The following RPTOR variants were observed in gnomAD, a reference collection of about 807,000 sequenced individuals.
RPTOR encodes the protein regulatory associated protein of MTOR complex 1.
In RPTOR, 21 loss-of-function variants were observed where a neutral mutation model predicts 169.9. The observed-to-expected ratio is 0.12, with a 90% CI of 0.09 to 0.18. The LOEUF is 0.18. Among genes scored for constraint, RPTOR ranks in the 10% least tolerant of loss-of-function variants. The pLI is 1.00. For synonymous variants in RPTOR, 732 were observed against 753.2 expected (o/e 0.97, Z 0.46); for missense variants, 1,133 against 1,855.9 (o/e 0.61, Z 7.16).
intron 9 of RPTOR, among the ~76,000 whole-genome samples, chr17:80,824,439 A>C (rs969478889): frequency 1.3e-5 from 2 of 152,386 alleles, no homozygotes; most frequent in Admixed American, 6.5e-5. Context: ...CTTAGAATAA[A>C]TATTTAAAAT....
At chr17:80,930,412 G>C (rs1598408066) in intron 24 of RPTOR, among the ~76,000 whole-genome samples, 5 of 9,214 alleles carry the variant, frequency 5.4e-4, no homozygotes, top group Admixed American at 1.3e-3. Context: ...CTCATCCCCA[G>C]CTCATCCTCA....
intron 25 of RPTOR, among the ~76,000 whole-genome samples, chr17:80,942,314 A>G (rs1010809036): frequency 2.0e-5 from 3 of 151,210 alleles, no homozygotes; most frequent in Non-Finnish European, 4.4e-5. Context: ...CTGGCCCCTG[A>G]TGGCCAAGGT....
intron 17 of RPTOR, among the ~76,000 whole-genome samples, 199 bp from the exon 18 acceptor site, chr17:80,891,521 G>A (rs1013927225): frequency 1.3e-5 from 2 of 152,250 alleles, no homozygotes; most frequent in African/African-American, 2.4e-5. Context: ...GTGAGCCAGT[G>A]GCCTGCCGTC....
Position 80,957,590 on chromosome 17 carries a change from T to G in RPTOR, c.3371-34T>G. 6.3e-7 allele frequency: 1 copy of G among 1,597,268 alleles called. No individual in the cohort carries two copies. Among genetic ancestry groups the G allele is most frequent in the South Asian group, 1.1e-5 (1 of 90,744 alleles). On this transcript the variant is annotated intron_variant, in intron 28 of 33. Transcript: ENST00000306801. This position sits in a 1 kb window ranked among gnomAD's most constrained non-coding sequence, Gnocchi z 4.6. ...AAAGCCTGCCCAAGGCAAGGGCCCA[T>G]GGGGTGATGCCATGTCCCACTGTAT...
chr17:80,889,554 G>T (rs1347655894), intron 17 of RPTOR, among the ~76,000 whole-genome samples: 2 of 152,186 alleles, frequency 1.3e-5, no homozygotes, highest in Non-Finnish European at 2.9e-5. Flanking sequence ...GACAACACCA[G>T]CCAAGCTCAT....
chr17:80,898,898 C>A (rs899239141), intron 20 of RPTOR, among the ~76,000 whole-genome samples: 1 of 151,954 alleles, frequency 6.6e-6, no homozygotes, highest in African/African-American at 2.4e-5. Context: ...AGCCCAAAGA[C>A]CCGAAACAGA....
chr17:80,834,308 C>T (rs2067539458), intron 9 of RPTOR, among the ~76,000 whole-genome samples: 1 of 152,208 alleles, frequency 6.6e-6, no homozygotes, highest in Admixed American at 6.5e-5. Context: ...CCTTTCTTCT[C>T]ATTAGTACTT....
intron 4 of RPTOR, among the ~76,000 whole-genome samples, chr17:80,722,335 T>A (rs1175074949): frequency 6.6e-6 from 1 of 151,166 alleles, no homozygotes; most frequent in Non-Finnish European, 1.5e-5. Context: ...TTTTGGGACT[T>A]CAATGTTTAG....
At chr17:80,797,806 T>A (rs564533337) in intron 7 of RPTOR, among the ~76,000 whole-genome samples, 5 of 152,354 alleles carry the variant, frequency 3.3e-5, no homozygotes, top group Admixed American at 3.3e-4. Flanking sequence ...GCTCAGACCC[T>A]CTTGGCCAGC....
intron 1 of RPTOR, among the ~76,000 whole-genome samples, chr17:80,577,479 A>C (rs958376851): frequency 6.6e-6 from 1 of 151,158 alleles, no homozygotes; most frequent in African/African-American, 2.4e-5. Context: ...GGGTCTTCCT[A>C]TGTGGCCCAG....
chr17:80,658,692 T>C (rs906518546), intron 3 of RPTOR, among the ~76,000 whole-genome samples: 1 of 151,904 alleles, frequency 6.6e-6, no homozygotes, highest in African/African-American at 2.4e-5. Flanking sequence ...CTTTTCACCA[T>C]GTCCTGTACA....
At chr17:80,631,672 G>A (rs552969724) in intron 2 of RPTOR, among the ~76,000 whole-genome samples, 1 of 152,366 alleles carries the variant, frequency 6.6e-6, no homozygotes, top group East Asian at 1.9e-4. Context: ...TACATCCTAA[G>A]CAAAAGCAGA....
intron 28 of RPTOR, among the ~76,000 whole-genome samples, chr17:80,950,098 T>C (rs781755376): frequency 6.6e-6 from 1 of 152,162 alleles, no homozygotes; most frequent in Non-Finnish European, 1.5e-5. Context: ...CACAGGTCCT[T>C]CTGGAAGGAC....
chr17:80,669,860 AT>A lies in RPTOR; in HGVS notation c.348+26058del, dbSNP rs955307550. The stretch of plus-strand genomic sequence containing the variant: ...CTTCTGATACTTATTCAAATAATTC[AT>A]TTTTTTTGTTCTTCAGTCGTCACTT... On this transcript the variant is annotated intron_variant, in intron 3 of 33. Coordinates refer to ENST00000306801, the MANE Select transcript of RPTOR (RefSeq NM_020761.3). Among the ~76,000 whole-genome samples the A allele has an allele frequency of 4.0e-5, 6 of 151,664 alleles. No individual in the cohort carries two copies. The South Asian group carries it at 8.4e-4, about 21-fold the overall frequency.
chr17:80,601,091 G>T (rs1034007298), intron 1 of RPTOR, among the ~76,000 whole-genome samples: 1 of 152,176 alleles, frequency 6.6e-6, no homozygotes, highest in African/African-American at 2.4e-5. Flanking sequence ...CAGAACCCAA[G>T]ACCAGCCCCA....
intron 1 of RPTOR, among the ~76,000 whole-genome samples, chr17:80,574,666 G>T (rs945444773): frequency 2.6e-5 from 4 of 151,482 alleles, no homozygotes; most frequent in Non-Finnish European, 2.9e-5. Context: ...TTTTGTTGTT[G>T]TTTTTTTGAG....
chr17:80,875,818 CCGAGCCCG>C (rs2068102567), intron 13 of RPTOR, among the ~76,000 whole-genome samples: 2 of 146,030 alleles, frequency 1.4e-5, no homozygotes, highest in African/African-American at 5.1e-5. Context: ...GGTCTTCCCA[CCGAGCCCG>C]TGCCGCCCAG....
In RPTOR at chr17:80,663,833, G is replaced by A. The variant is rs1344967444; in HGVS notation, c.348+20023G>A. ...CTTGAGACTGGTTCTGTGCGTGTGC[G>A]TGTGTGCAAGCAGGTGTGTGCACAA... On this transcript the variant is annotated intron_variant, in intron 3 of 33. Transcript: ENST00000306801. Among the ~76,000 whole-genome samples the A allele has an allele frequency of 6.6e-5, 10 of 151,912 alleles. No individual in the cohort carries two copies. In the East Asian group the frequency reaches 1.9e-3, roughly 30 times the overall value.
At chr17:80,902,228 C>G (rs2143910827) in intron 20 of RPTOR, among the ~76,000 whole-genome samples, 1 of 152,336 alleles carries the variant, frequency 6.6e-6, no homozygotes, top group Non-Finnish European at 1.5e-5. Context: ...CAGCTCCTCA[C>G]CACCCTCCAG....
Sources: gnomAD v4.1 joint callset for allele counts (sites outside exome capture counted in the v4.1 genomes callset) on GRCh38, gnomAD v4.1.1 for gene constraint, Gnocchi (gnomAD v3.1) non-coding constraint, MANE v1.5 for transcripts, NCBI Gene and HGNC (gene_info 2026-07-23, HGNC 2026-07-21) for gene names.